The following PDE1A variants were observed in gnomAD, a reference collection of about 807,000 sequenced individuals.
PDE1A encodes phosphodiesterase 1A.
A neutral mutation model predicts 61.7 loss-of-function variants in PDE1A; 35 were observed. The observed-to-expected ratio is 0.57, with a 90% CI of 0.43 to 0.75. The LOEUF is 0.75. Among genes scored for constraint, PDE1A ranks in the 30% least tolerant of loss-of-function variants. The pLI is 0.00. For synonymous variants in PDE1A, 232 were observed against 213.2 expected (o/e 1.09, Z -0.77); for missense variants, 597 against 630.6 (o/e 0.95, Z 0.57).
the PDE1A span, among the ~76,000 whole-genome samples, chr2:182,654,589 G>A: frequency 6.6e-6 from 1 of 152,082 alleles, no homozygotes; most frequent in Non-Finnish European, 1.5e-5. Context: ...CCCTTTGAAA[G>A]GCCTTTTTTC....
intron 1 of PDE1A, among the ~76,000 whole-genome samples, chr2:182,333,659 A>G (rs974713383): frequency 6.6e-6 from 1 of 152,160 alleles, no homozygotes; most frequent in Non-Finnish European, 1.5e-5. Context: ...CTAACATCAC[A>G]ATTAAAAGAA....
At chr2:182,684,321 C>T in the PDE1A span, among the ~76,000 whole-genome samples, 6 of 151,830 alleles carry the variant, frequency 4.0e-5, no homozygotes, top group African/African-American at 2.4e-5. Context: ...ATATAGTATA[C>T]ATTTTATTGT....
intron 2 of PDE1A, among the ~76,000 whole-genome samples, chr2:182,503,621 C>T (rs981944235): frequency 3.9e-5 from 6 of 152,126 alleles, no homozygotes; most frequent in Admixed American, 3.9e-4. Flanking sequence ...ATGCTTCAGG[C>T]CTTGGTGTCA....
intron 2 of PDE1A, among the ~76,000 whole-genome samples, chr2:182,504,866 G>A (rs1201435065): frequency 6.6e-6 from 1 of 152,190 alleles, no homozygotes; most frequent in Non-Finnish European, 1.5e-5. Context: ...AATGAAACTT[G>A]AGAAATGTTA....
At chr2:182,548,339 G>A in the PDE1A span, among the ~76,000 whole-genome samples, 23 of 152,056 alleles carry the variant, frequency 1.5e-4, no homozygotes, top group African/African-American at 4.3e-4. Flanking sequence ...CCAAAACAAC[G>A]GCAAGCTTGA....
chr2:182,233,800 C>T (rs1689776463), intron 4 of PDE1A, among the ~76,000 whole-genome samples: 3 of 151,840 alleles, frequency 2.0e-5, no homozygotes, highest in Non-Finnish European at 4.4e-5. Flanking sequence ...CACACACACA[C>T]ACACACACAC....
intron 13 of PDE1A, among the ~76,000 whole-genome samples, chr2:182,161,024 AGTG>A (rs1691349907): frequency 6.6e-6 from 1 of 152,232 alleles, no homozygotes; most frequent in Non-Finnish European, 1.5e-5. Flanking sequence ...TAAGGAGTTC[AGTG>A]ACTATATGCA....
chr2:182,597,959 T>C, the PDE1A span, among the ~76,000 whole-genome samples: 2 of 152,230 alleles, frequency 1.3e-5, no homozygotes, highest in African/African-American at 4.8e-5. Flanking sequence ...TTCTGTTCTT[T>C]TAGAACACTT....
At chr2:182,264,236 C>A (rs1340198705) in intron 2 of PDE1A, 65 bp downstream of exon 2, 1 of 1,086,662 alleles carries the variant, frequency 9.2e-7, no homozygotes, top group Non-Finnish European at 1.4e-6. Flanking sequence ...AAAGGAGGGT[C>A]AAGAAAGAGG....
At chr2:182,352,547 G>T (rs1354554780) in intron 1 of PDE1A, among the ~76,000 whole-genome samples, 1 of 151,504 alleles carries the variant, frequency 6.6e-6, no homozygotes, top group Non-Finnish European at 1.5e-5. Flanking sequence ...AACTAAGAAA[G>T]GGAAGAAAGA....
At chr2:182,585,412 T>G in the PDE1A span, among the ~76,000 whole-genome samples, 23 of 152,330 alleles carry the variant, frequency 1.5e-4, no homozygotes, top group African/African-American at 5.1e-4. Flanking sequence ...AAAATTTGTA[T>G]ATGAACCACA....
At chr2:182,538,884 G>C in the PDE1A span, among the ~76,000 whole-genome samples, 1 of 152,128 alleles carries the variant, frequency 6.6e-6, no homozygotes, top group Non-Finnish European at 1.5e-5. Flanking sequence ...ATGAGTTACG[G>C]CCTGACCCAA....
intron 2 of PDE1A, among the ~76,000 whole-genome samples, chr2:182,433,752 G>A (rs779013277): frequency 6.6e-5 from 10 of 152,014 alleles, no homozygotes; most frequent in East Asian, 3.9e-4. Flanking sequence ...TGCCTGATCC[G>A]GCCCTCGTGT....
intron 1 of PDE1A, among the ~76,000 whole-genome samples, chr2:182,425,315 A>ATAT (rs1210426999): frequency 6.6e-6 from 1 of 152,186 alleles, no homozygotes; most frequent in Non-Finnish European, 1.5e-5. Flanking sequence ...ACTTGGGAGA[A>ATAT]TATAGATACT....
At chr2:182,398,200 A>T (rs1183443963) in intron 1 of PDE1A, among the ~76,000 whole-genome samples, 1 of 151,990 alleles carries the variant, frequency 6.6e-6, no homozygotes. Context: ...TTTTTGTTTA[A>T]AATGTACAGT....
intron 1 of PDE1A, among the ~76,000 whole-genome samples, chr2:182,392,923 G>C (rs1016865967): frequency 6.6e-6 from 1 of 152,254 alleles, no homozygotes; most frequent in South Asian, 2.1e-4. Flanking sequence ...CTGCTTTCCT[G>C]AGCTAGTGTT....
At chr2:182,346,623 G>A (rs373571775) in intron 1 of PDE1A, among the ~76,000 whole-genome samples, 2 of 36,274 alleles carry the variant, frequency 5.5e-5, no homozygotes, top group South Asian at 2.6e-3. Context: ...CTCCCATCTC[G>A]ACACCTGCAA....
chr2:182,613,477 T>C, the PDE1A span, among the ~76,000 whole-genome samples: 60,745 of 151,222 alleles, frequency 0.4, 13,623 homozygotes, highest in East Asian at 0.58. Flanking sequence ...GCAGGAGAAT[T>C]GCGTGAACCT....
the PDE1A span, among the ~76,000 whole-genome samples, chr2:182,551,718 G>A: frequency 6.6e-6 from 1 of 152,232 alleles, no homozygotes; most frequent in African/African-American, 2.4e-5. Context: ...AGAGATAAGT[G>A]GCATACTGAG....
Sources: allele counts gnomAD v4.1 joint callset (sites outside exome capture counted in the v4.1 genomes callset), GRCh38; gene constraint gnomAD v4.1.1; transcripts MANE v1.5; gene names NCBI Gene and HGNC (gene_info 2026-07-23, HGNC 2026-07-21).